PCDHGB6: variants seen among roughly 807,000 people sequenced by gnomAD.
PCDHGB6 encodes the protein protocadherin gamma subfamily B, 6.
A neutral mutation model predicts 59.1 loss-of-function variants in PCDHGB6; 51 were observed. The ratio of observed to expected loss-of-function variants is 0.86; its 90% CI spans 0.69 to 1.09. The LOEUF is 1.09. PCDHGB6 is among the 50% of genes least tolerant of loss of function. The pLI, the probability that PCDHGB6 is intolerant of heterozygous loss-of-function variation, is 0.00. For missense variants in PCDHGB6, 1,148 were observed against 1,205.1 expected, an observed-to-expected ratio of 0.95 and a Z score of 0.70; for synonymous variants, 466 against 495.1, an observed-to-expected ratio of 0.94 and a Z score of 0.78.
chr5:141,437,715 C>T (rs2097903335), intron 1 of PCDHGB6, among the ~76,000 whole-genome samples: 1 of 151,772 alleles, frequency 6.6e-6, no homozygotes, highest in Non-Finnish European at 1.5e-5. Context: ...ACACAGTTAC[C>T]CTCTAATGTT....
chr5:141,457,942 T>C (rs2098933338), intron 1 of PCDHGB6, among the ~76,000 whole-genome samples: 1 of 152,226 alleles, frequency 6.6e-6, no homozygotes, highest in Non-Finnish European at 1.5e-5. Flanking sequence ...TTATTGGCTC[T>C]GCATGTCAAG....
intron 1 of PCDHGB6, chr5:141,414,273 G>A: frequency 6.2e-7 from 1 of 1,613,418 alleles, no homozygotes; most frequent in Non-Finnish European, 8.5e-7. Flanking sequence ...ATTCACCTCT[G>A]GGAACAGTCG....
intron 1 of PCDHGB6, chr5:141,422,851 C>A (rs1459531183): frequency 1.2e-6 from 2 of 1,614,122 alleles, no homozygotes; most frequent in African/African-American, 1.3e-5. Flanking sequence ...CGGGGACCCG[C>A]CCCTCAGCAG....
intron 2 of PCDHGB6, among the ~76,000 whole-genome samples, chr5:141,497,478 C>T (rs974494984): frequency 6.0e-5 from 9 of 150,954 alleles, no homozygotes; most frequent in South Asian, 4.2e-4. Context: ...GGAGAAGGTG[C>T]GGAACCTCTC....
chr5:141,507,849 C>CA (rs2099864208), intron 3 of PCDHGB6, among the ~76,000 whole-genome samples: 1 of 152,222 alleles, frequency 6.6e-6, no homozygotes, highest in African/African-American at 2.4e-5. Flanking sequence ...GCCCTGCTCT[C>CA]ACTTTCACAC....
rs531773756 is a variant in PCDHGB6 at position 141,417,037 on chromosome 5, TTA to T, written c.2418+6418_2418+6419del. On this transcript the variant is annotated intron_variant, in intron 1 of 3. Coordinates refer to ENST00000520790, the MANE Select transcript of PCDHGB6 (RefSeq NM_018926.3). ...ATTTTGAAAAATACAGGTTTTTTTT[TTA>T]AAAAAAACTGCTCTTGACATTGTAG... 5.9e-5 allele frequency: 9 copies of T among 151,574 alleles called. 1 individual carries two copies. Among genetic ancestry groups the T allele is most frequent in the Admixed American group, 2.0e-4 (3 of 15,204 alleles). The allele number at this position is 151,574 out of a possible 1,614,324, so 9.4% of individuals were successfully genotyped here.
Position 141,510,968 on chromosome 5 carries a change from C to A in PCDHGB6, c.2588C>A (p.Thr863Asn). 1 of 1,614,150 alleles carries A rather than the reference C, an allele frequency of 6.2e-7. No individual in the cohort carries two copies. The highest frequency in any genetic ancestry group is 8.5e-7 in the Non-Finnish European group (1 of 1,180,014). The change falls in exon 4 of 4, where the codon ACC becomes AAC. Residue 863 changes from threonine (T) to asparagine (N), a missense_variant. Transcript: ENST00000520790. ...SASEAADGSS[T>N]LGGGAGTMGL... ...GCAGAAGCTGCTGATGGGAGCTCCA[C>A]CCTGGGAGGGGGTGCCGGCACCATG...
chr5:141,431,748 G>A lies in PCDHGB6; in HGVS notation c.2418+21128G>A, dbSNP rs759671844. On this transcript the variant is annotated intron_variant, in intron 1 of 3. Coordinates refer to ENST00000520790, the MANE Select transcript of PCDHGB6 (RefSeq NM_018926.3). This position sits in a 1 kb window ranked among gnomAD's most constrained non-coding sequence, Gnocchi z 4.8. ...ATGGATAATGCAGGATATTCTGCGC[G>A]AGCCAAAGTCCTGATCACTGTTCTG... 4 of 1,614,078 alleles carry A rather than the reference G, an allele frequency of 2.5e-6. No individual in the cohort carries two copies. Among genetic ancestry groups the A allele is most frequent in the African/African-American group, 1.3e-5 (1 of 74,934 alleles).
In PCDHGB6 at chr5:141,477,453, A is replaced by T; in HGVS notation, c.2419-17354A>T. On this transcript the variant is annotated intron_variant, in intron 1 of 3. Transcript: ENST00000520790. This position sits in a 1 kb window ranked among gnomAD's most constrained non-coding sequence, Gnocchi z 4.9. Reference sequence around the variant, plus strand: ...TCAGCCCTTACAATAGTGCGTGTTCAAGTGTCCGACATCAATGACAACCCT... The same window carrying T: ...TCAGCCCTTACAATAGTGCGTGTTCTAGTGTCCGACATCAATGACAACCCT... The T allele has an allele frequency of 6.2e-7, 1 of 1,614,136 alleles. No homozygotes were observed. The highest frequency in any genetic ancestry group is 8.5e-7 in the Non-Finnish European group (1 of 1,180,026).
chr5:141,505,711 A>C (rs372711957), intron 3 of PCDHGB6, among the ~76,000 whole-genome samples: 17 of 152,058 alleles, frequency 1.1e-4, no homozygotes, highest in Admixed American at 2.6e-4. Context: ...CAAGGAAAAG[A>C]CTCATGGAGG....
chr5:141,477,970 T>G lies in PCDHGB6; in HGVS notation c.2419-16837T>G. ...TCTTGGGATCCCCTAACCAGAGCCTTTTTGCCATAGGGCTGCACACTGGTC... is the reference window on the plus strand; with the variant it reads ...TCTTGGGATCCCCTAACCAGAGCCTGTTTGCCATAGGGCTGCACACTGGTC... On this transcript the variant is annotated intron_variant, in intron 1 of 3. Coordinates refer to ENST00000520790, the MANE Select transcript of PCDHGB6 (RefSeq NM_018926.3). This position sits in a 1 kb window ranked among gnomAD's most constrained non-coding sequence, Gnocchi z 4.9. 1 of 1,614,090 alleles carries G rather than the reference T, an allele frequency of 6.2e-7. No homozygotes were observed. The highest frequency in any genetic ancestry group is 8.5e-7 in the Non-Finnish European group (1 of 1,180,002).
Position 141,481,770 on chromosome 5 carries a change from G to T in PCDHGB6, c.2419-13037G>T, listed in dbSNP as rs188953511. 6.1e-3 allele frequency among the ~76,000 whole-genome samples: 929 copies of T among 152,184 alleles called. 10 individuals are homozygous for T. Among genetic ancestry groups the T allele is most frequent in the African/African-American group, 0.022 (895 of 41,516 alleles). On this transcript the variant is annotated intron_variant, in intron 1 of 3. Coordinates refer to ENST00000520790, the MANE Select transcript of PCDHGB6 (RefSeq NM_018926.3). ...AGTCCAAGACCAGCCTGGCCAACAT[G>T]GTGAAACCCCGTCTCTACTAAAAAT... is the stretch of plus-strand genomic sequence containing the variant.
At chr5:141,429,378 T>TTTG (rs2097208019) in intron 1 of PCDHGB6, among the ~76,000 whole-genome samples, 1 of 105,336 alleles carries the variant, frequency 9.5e-6, no homozygotes, top group African/African-American at 5.2e-5. Flanking sequence ...AGAAAATGTG[T>TTTG]TTTTTTTTTA....
Position 141,487,401 on chromosome 5 carries a change from T to C in PCDHGB6, c.2419-7406T>C, listed in dbSNP as rs2099644244. The C allele has an allele frequency of 6.2e-7, 1 of 1,614,134 alleles. No individual in the cohort carries two copies. The highest frequency in any genetic ancestry group is 1.3e-5 in the African/African-American group (1 of 75,046). On this transcript the variant is annotated intron_variant, in intron 1 of 3. Transcript: ENST00000520790. This position sits in a 1 kb window ranked among gnomAD's most constrained non-coding sequence, Gnocchi z 5.0. ...ACCAGATCTCGAAGGAGGGAGGGGCTTCCCCCTTCCAATGGGATCCTCCGA... is the reference window on the plus strand; with the variant it reads ...ACCAGATCTCGAAGGAGGGAGGGGCCTCCCCCTTCCAATGGGATCCTCCGA...
rs749415234 is a variant in PCDHGB6, at chr5:141,419,462, C to A, written c.2418+8842C>A. On this transcript the variant is annotated intron_variant, in intron 1 of 3. Transcript: ENST00000520790. Reference sequence around the variant, plus strand: ...CACCTTCGAGCTCACGCTGCAGGCCCGCGACCAGGGCTCGCCCGCGCTCAG... The same window carrying A: ...CACCTTCGAGCTCACGCTGCAGGCCAGCGACCAGGGCTCGCCCGCGCTCAG... 2.5e-6 allele frequency: 4 copies of A among 1,612,582 alleles called. No homozygotes were observed. In the Admixed American group the frequency reaches 6.7e-5, roughly 27 times the overall value.
chr5:141,417,963 A>C (rs1260025037), intron 1 of PCDHGB6: 1 of 1,613,258 alleles, frequency 6.2e-7, no homozygotes, highest in Non-Finnish European at 8.5e-7. Flanking sequence ...CCGATCCGCT[A>C]CTCGATTCCG....
rs1036281905 is a variant in PCDHGB6 at position 141,493,555 on chromosome 5, T to A, written c.2419-1252T>A. Among the ~76,000 whole-genome samples, 3 of 152,012 alleles carry A rather than the reference T, an allele frequency of 2.0e-5. No individual in the cohort carries two copies. ...GCCAGTTATCCTTTTGGAGATTGAG[T>A]TCCCCCAGCTCCGTTTCCTCCTATC... On this transcript the variant is annotated intron_variant, in intron 1 of 3. Transcript: ENST00000520790. The surrounding 1 kb of genome is among the most constrained non-coding windows in gnomAD (Gnocchi z 4.3).
chr5:141,453,997 A>C (rs1332821058), intron 1 of PCDHGB6, among the ~76,000 whole-genome samples: 2 of 152,242 alleles, frequency 1.3e-5, no homozygotes, highest in Non-Finnish European at 2.9e-5. Context: ...TGATAAACCC[A>C]CATAACATTT....
Position 141,485,626 on chromosome 5 carries a change from T to A in PCDHGB6, c.2419-9181T>A, listed in dbSNP as rs2099616815. 6.2e-7 allele frequency: 1 copy of A among 1,611,740 alleles called. No individual in the cohort carries two copies. On this transcript the variant is annotated intron_variant, in intron 1 of 3. Coordinates refer to ENST00000520790, the MANE Select transcript of PCDHGB6 (RefSeq NM_018926.3). This position sits in a 1 kb window ranked among gnomAD's most constrained non-coding sequence, Gnocchi z 5.7. Reference sequence around the variant, plus strand: ...GGGAGGCAGCTCCTCCAGGACAGCGTTTCCCGTTGGAAAAGGCTCAGGATG... The same window carrying A: ...GGGAGGCAGCTCCTCCAGGACAGCGATTCCCGTTGGAAAAGGCTCAGGATG...
Sources: allele counts gnomAD v4.1 joint callset (sites outside exome capture counted in the v4.1 genomes callset), GRCh38; gene constraint gnomAD v4.1.1; non-coding constraint Gnocchi (gnomAD v3.1); transcripts MANE v1.5; gene names NCBI Gene and HGNC (gene_info 2026-07-23, HGNC 2026-07-21).